CCDC154: variants seen among roughly 807,000 people sequenced by gnomAD.
CCDC154 encodes the protein coiled-coil domain-containing protein 154.
CCDC154 carries 91 observed loss-of-function variants against 87.5 expected under a neutral mutation model. The ratio of observed to expected loss-of-function variants is 1.04; its 90% CI spans 0.88 to 1.24. CCDC154 has a LOEUF of 1.24. Ranked by LOEUF, CCDC154 falls within the 50% of genes most tolerant of loss-of-function variation. The probability of loss-of-function intolerance (pLI) is 0.00; values close to 1 mark genes in which losing one functional copy is unlikely to be tolerated. For synonymous variants in CCDC154, 418 were observed against 400.4 expected (o/e 1.04, Z -0.52); for missense variants, 903 against 879.2 (o/e 1.03, Z -0.34).
intron 5 of CCDC154, 132 bp from the exon 6 acceptor site, chr16:1,442,661 G>A: frequency 3.6e-6 from 4 of 1,126,042 alleles, no homozygotes; most frequent in Non-Finnish European, 4.9e-6. Flanking sequence ...CAGAGGAATG[G>A]GAAACACAGC....
At chr16:1,437,136 C>T (rs575111048) in intron 11 of CCDC154, 37 of 372,472 alleles carry the variant, frequency 9.9e-5, no homozygotes, top group African/African-American at 2.5e-4. Context: ...GCTCGCGTGT[C>T]GGTGGATGAG....
Position 1,439,025 on chromosome 16 carries a change from C to A in CCDC154, c.777G>T (p.Lys259Asn). The change falls in exon 7 of 17, where the codon AAG (lysine) becomes AAT (asparagine). Residue 259 changes from lysine (K) to asparagine (N), a missense_variant and splice_region_variant. Transcript: ENST00000389176. ...AGGCCAGCCGCGGGCAGGCTCCCAC[C>A]TTCTCCAGGGCCAGGAAGCTCTTCT... is the stretch of plus-strand genomic sequence containing the variant. ...FLQKSFLALEKRMKASESSRL... is the reference protein window; with the variant it reads ...FLQKSFLALENRMKASESSRL... 6.5e-7 allele frequency: 1 copy of A among 1,550,222 alleles called. No individual in the cohort carries two copies. Among genetic ancestry groups the A allele is most frequent in the African/African-American group, 1.4e-5 (1 of 73,172 alleles).
At chr16:1,436,290 G>A (rs1322808824) in intron 13 of CCDC154, among the ~76,000 whole-genome samples, 155 bp downstream of exon 13, 1 of 152,188 alleles carries the variant, frequency 6.6e-6, no homozygotes, top group African/African-American at 2.4e-5. Flanking sequence ...CTGCACCAGG[G>A]TGGCAGGGTG....
chr16:1,437,982 G>A lies in CCDC154; in HGVS notation c.1153-28C>T, dbSNP rs952130642. ...GCAGGGGACAGGTGGGCACGGGGAG[G>A]CCTGGCTGAGCGCCCATCCCGTGTG... On this transcript the variant is annotated intron_variant, in intron 10 of 16. Coordinates refer to ENST00000389176, the MANE Select transcript of CCDC154 (RefSeq NM_001143980.3). 7.2e-6 allele frequency: 11 copies of A among 1,538,430 alleles called. No homozygotes were observed. The African/African-American group carries it at 1.1e-4, about 15-fold the overall frequency.
intron 16 of CCDC154, 42 bp from the exon 17 acceptor site, chr16:1,434,576 A>ATG: frequency 1.2e-6 from 1 of 808,146 alleles, no homozygotes; most frequent in Non-Finnish European, 1.6e-6. Context: ...CCCCCGCCCC[A>ATG]CCCCCCATGG....
chr16:1,434,957 A>G, intron 15 of CCDC154, 105 bp from the exon 16 acceptor site: 1 of 1,417,474 alleles, frequency 7.1e-7, no homozygotes, highest in East Asian at 2.5e-5. Context: ...ATTTATCTTC[A>G]GGGAAACCCT....
At position 1,434,731 on chromosome 16, in the gene CCDC154, A is replaced by G; in HGVS notation, c.1814T>C (p.Ile605Thr). Residue 605 changes from isoleucine (I) to threonine (T), a missense_variant, in exon 16 of 17, where the codon ATC becomes ACC. Physicochemically the swap from Ile to Thr is moderately conservative, Grantham distance 89. Coordinates refer to ENST00000389176, the MANE Select transcript of CCDC154 (RefSeq NM_001143980.3). Reference sequence around the variant, plus strand: ...CACCTTGCCAGGCGCCATGTCCTTGATGAAGACCCGCGGCCTCACCAGGGA... The same window carrying G: ...CACCTTGCCAGGCGCCATGTCCTTGGTGAAGACCCGCGGCCTCACCAGGGA... The part of the protein sequence containing the change: ...LPSLVRPRVF[I>T]KDMAPGKVVP... 1 of 1,546,548 alleles carries G rather than the reference A, an allele frequency of 6.5e-7. No individual in the cohort carries two copies. Among genetic ancestry groups the G allele is most frequent in the Non-Finnish European group, 8.7e-7 (1 of 1,146,810 alleles).
At chr16:1,436,127 C>G in intron 13 of CCDC154, 41 bp from the exon 14 acceptor site, 1 of 1,510,470 alleles carries the variant, frequency 6.6e-7, no homozygotes, top group Admixed American at 2.0e-5. Context: ...CGGGTGTGCT[C>G]GGGGGTAGGG....
intron 4 of CCDC154, 85 bp downstream of exon 4, chr16:1,443,176 T>C (rs2038571624): frequency 6.8e-7 from 1 of 1,481,250 alleles, no homozygotes; most frequent in South Asian, 1.2e-5. Flanking sequence ...CAGCGGGAGA[T>C]GTGGACCCCC....
chr16:1,436,901 C>T (rs1167845917), intron 11 of CCDC154, 90 bp from the exon 12 acceptor site: 8 of 1,490,122 alleles, frequency 5.4e-6, no homozygotes, highest in South Asian at 2.5e-5. Flanking sequence ...GGGGAGCAGG[C>T]GGCCCCCACC....
chr16:1,439,092 A>T lies in CCDC154; in HGVS notation c.710T>A (p.Leu237Gln). 1 of 1,550,192 alleles carries T rather than the reference A, an allele frequency of 6.5e-7. No individual in the cohort carries two copies. Among genetic ancestry groups the T allele is most frequent in the South Asian group, 1.2e-5 (1 of 84,060 alleles). ...CTTGGCCTCCCTCTTCAGGAAGCGC[A>T]GGCTCACCTCTTCGCCGAGCTTGGT... ...QVTKLGEEVS[L>Q]RFLKREAKLC... is the part of the protein sequence containing the mutation. Residue 237 changes from leucine to glutamine, a missense_variant, in exon 7 of 17, where the codon CTG (leucine) becomes CAG (glutamine). Physicochemically the swap from Leu to Gln is moderately radical, Grantham distance 113. Transcript: ENST00000389176.
rs893248399 is a variant in CCDC154, at chr16:1,442,397, T to C, written c.675+9A>G. Reference sequence around the variant, plus strand: ...GGGCGGCCCCCCTGAAGCCTGGGCCTGGTGGTACCTGCATTCTGGCCACCT... The same window carrying C: ...GGGCGGCCCCCCTGAAGCCTGGGCCCGGTGGTACCTGCATTCTGGCCACCT... On this transcript the variant is annotated intron_variant, in intron 6 of 16. Transcript: ENST00000389176. 6.5e-6 allele frequency: 10 copies of C among 1,544,114 alleles called. No individual in the cohort carries two copies. The Admixed American group carries it at 1.4e-4, about 22-fold the overall frequency.
chr16:1,442,998 C>A (rs973451644), intron 4 of CCDC154, 23 bp from the exon 5 acceptor site: 8 of 1,549,656 alleles, frequency 5.2e-6, no homozygotes, highest in Admixed American at 2.0e-5. Flanking sequence ...AAGCCATTCC[C>A]GAGAGGCCCA....
At chr16:1,435,445 C>T (rs927019204) in intron 14 of CCDC154, 3 of 551,838 alleles carry the variant, frequency 5.4e-6, no homozygotes, top group African/African-American at 3.8e-5. Context: ...GGGCTCCAGG[C>T]AGGTGCCTCC....
chr16:1,435,356 TGA>T, intron 14 of CCDC154, 181 bp from the exon 15 acceptor site: 4 of 630,984 alleles, frequency 6.3e-6, no homozygotes, highest in Non-Finnish European at 1.1e-5. Context: ...AGCGGCAGCC[TGA>T]GAGTGGCCCT....
At chr16:1,443,178 T>G in intron 4 of CCDC154, 83 bp downstream of exon 4, 10 of 1,488,882 alleles carry the variant, frequency 6.7e-6, no homozygotes, top group Non-Finnish European at 9.1e-6. Context: ...GCGGGAGATG[T>G]GGACCCCCCA....
chr16:1,443,533 G>A lies in CCDC154; in HGVS notation c.387C>T (p.Ala129=), dbSNP rs924339926. The A allele has an allele frequency of 2.7e-6, 4 of 1,479,754 alleles. No homozygotes were observed. The highest frequency in any genetic ancestry group is 2.8e-5 in the African/African-American group (2 of 70,372). 91.7% of individuals were successfully genotyped at this position (1,479,754 alleles called of 1,614,324 possible). The change falls in exon 3 of 17, where the codon GCC becomes GCT. Residue 129 remains alanine, a synonymous_variant. Coordinates refer to ENST00000389176, the MANE Select transcript of CCDC154 (RefSeq NM_001143980.3). ...CCGGCGCCTCCTTTTCGGGGGCCTG[G>A]GCTGCCGGCCGCGCCTCCTGCTGCA... The part of the protein sequence containing the change: ...RQLQQEARPA[A]QAPEKEAPEF...
Position 1,443,631 on chromosome 16 carries a change from T to C in CCDC154, c.289A>G (p.Thr97Ala). The C allele has an allele frequency of 7.2e-7, 1 of 1,379,748 alleles. No individual in the cohort carries two copies. Among genetic ancestry groups the C allele is most frequent in the Non-Finnish European group, 9.5e-7 (1 of 1,053,612 alleles). 85.5% of individuals were successfully genotyped at this position (1,379,748 alleles called of 1,614,324 possible). The change falls in exon 3 of 17, where the codon ACG becomes GCG. Residue 97 changes from threonine to alanine, a missense_variant. Thr to Ala is a moderately conservative substitution (Grantham distance 58). Transcript: ENST00000389176. ...REHKQRCERA[T>A]RSLLRELLQV... ...AGCAGCTCCCGCAGCAGGCTCCGCGTGGCGCGCTCACAGCGCTGCTTGTGC... is the reference window on the plus strand; with the variant it reads ...AGCAGCTCCCGCAGCAGGCTCCGCGCGGCGCGCTCACAGCGCTGCTTGTGC...
intron 14 of CCDC154, 29 bp from the exon 15 acceptor site, chr16:1,435,204 CAG>C (rs748099614): frequency 1.3e-6 from 2 of 1,539,814 alleles, no homozygotes; most frequent in South Asian, 2.4e-5. Flanking sequence ...TGGGCACAGA[CAG>C]GGCCAGTCTG....
Sources: gnomAD v4.1 joint callset for allele counts (sites outside exome capture counted in the v4.1 genomes callset) on GRCh38, gnomAD v4.1.1 for gene constraint, MANE v1.5 for transcripts, NCBI Gene and HGNC (gene_info 2026-07-23, HGNC 2026-07-21) for gene names.